Variants in STAP1 observed in about 807,000 individuals in gnomAD.
The protein encoded by STAP1 is signal-transducing adaptor protein 1.
STAP1 carries 30 observed loss-of-function variants against 37.8 expected under a neutral mutation model. The observed-to-expected ratio is 0.79, with a 90% CI of 0.59 to 1.08. The LOEUF (loss-of-function observed/expected upper bound fraction) is 1.08. STAP1 is among the 50% of genes least tolerant of loss of function. The pLI is 0.00. For synonymous variants in STAP1, 130 were observed against 116.0 expected (o/e 1.12, Z -0.78); for missense variants, 357 against 349.4 (o/e 1.02, Z -0.17).
chr4:67,566,179 C>T (rs1206248488), intron 1 of STAP1, among the ~76,000 whole-genome samples: 2 of 151,988 alleles, frequency 1.3e-5, no homozygotes, highest in African/African-American at 4.8e-5. Flanking sequence ...AACTCCTGAC[C>T]TCAGGTGATC....
intron 1 of STAP1, among the ~76,000 whole-genome samples, chr4:67,562,861 T>TA (rs1389969874): frequency 1.3e-5 from 2 of 151,902 alleles, no homozygotes; most frequent in Non-Finnish European, 2.9e-5. Flanking sequence ...ATTTGATATA[T>TA]AAAAAATGAA....
At position 67,575,244 on chromosome 4, in the gene STAP1, G is replaced by A. The variant is rs142322573; in HGVS notation, c.193-141G>A. 9.7e-4 allele frequency: 541 copies of A among 557,704 alleles called. 4 individuals carry two copies. In the African/African-American group the frequency reaches 0.01, roughly 10 times the overall value. The allele number at this position is 557,704 out of a possible 1,614,324, so 34.5% of individuals were successfully genotyped here. On this transcript the variant is annotated intron_variant, in intron 2 of 8. Coordinates refer to ENST00000265404, the MANE Select transcript of STAP1 (RefSeq NM_012108.4). ...ACCACCACATAATACATTTCCACAT[G>A]TCCTCTGGGATTAGGAAAACCAGGA...
intron 6 of STAP1, among the ~76,000 whole-genome samples, chr4:67,585,109 T>A (rs1727952186): frequency 6.6e-6 from 1 of 152,202 alleles, no homozygotes; most frequent in South Asian, 2.1e-4. Context: ...CCACAACTGA[T>A]AATATAATTT....
intron 6 of STAP1, among the ~76,000 whole-genome samples, chr4:67,589,975 G>T (rs999903501): frequency 6.6e-6 from 1 of 151,734 alleles, no homozygotes; most frequent in Non-Finnish European, 1.5e-5. Context: ...CTAATTTTTT[G>T]AATTTTTTTG....
intron 6 of STAP1, among the ~76,000 whole-genome samples, chr4:67,588,394 G>T (rs903554179): frequency 2.0e-5 from 3 of 151,786 alleles, no homozygotes; most frequent in Admixed American, 1.3e-4. Flanking sequence ...TCTTTTTTTT[G>T]TTGTTGTTGT....
rs1303638567 is a variant in STAP1, at chr4:67,589,869, A to G, written c.660-1015A>G. Among the ~76,000 whole-genome samples the G allele has an allele frequency of 2.6e-5, 4 of 151,850 alleles. No individual in the cohort carries two copies. The East Asian group carries it at 7.7e-4, about 29-fold the overall frequency. On this transcript the variant is annotated intron_variant, in intron 6 of 8. Coordinates refer to ENST00000265404, the MANE Select transcript of STAP1 (RefSeq NM_012108.4). ...GCCCAGGCTAGAATGCAGCGGCACC[A>G]TCATAGCTCACTGCAGCCTCAATCT...
In STAP1 at chr4:67,583,824, T is replaced by C. The variant is rs553652058; in HGVS notation, c.659+122T>C. ...GAAAATATGAACACAAGTGGCCGGG[T>C]GCGGTGGCTCACGCCTGTAATCTCA... On this transcript the variant is annotated intron_variant, in intron 6 of 8. Transcript: ENST00000265404. 2.4e-5 allele frequency: 29 copies of C among 1,223,456 alleles called. No individual in the cohort carries two copies. The African/African-American group carries it at 4.0e-4, about 17-fold the overall frequency. The allele number at this position is 1,223,456 out of a possible 1,614,324, so 75.8% of individuals were successfully genotyped here. A position where few individuals can be genotyped will look rare whatever the true frequency, so the allele number is the denominator to read the frequency against.
intron 1 of STAP1, among the ~76,000 whole-genome samples, chr4:67,568,278 G>T (rs1428344239): frequency 6.6e-6 from 1 of 152,064 alleles, no homozygotes; most frequent in Non-Finnish European, 1.5e-5. Context: ...CAATAAAAGA[G>T]AAAACCCTTT....
At chr4:67,577,857 C>T (rs983556292) in intron 4 of STAP1, among the ~76,000 whole-genome samples, 2 of 152,042 alleles carry the variant, frequency 1.3e-5, no homozygotes, top group African/African-American at 4.8e-5. Context: ...TCATGTTGGC[C>T]AGGCTGGTTT....
At chr4:67,585,405 G>A (rs185818992) in intron 6 of STAP1, among the ~76,000 whole-genome samples, 1 of 152,328 alleles carries the variant, frequency 6.6e-6, no homozygotes, top group African/African-American at 2.4e-5. Flanking sequence ...CATTGCTAGT[G>A]TGTGCCACAG....
intron 1 of STAP1, among the ~76,000 whole-genome samples, chr4:67,562,833 T>C (rs910274877): frequency 6.6e-6 from 1 of 151,878 alleles, no homozygotes; most frequent in Non-Finnish European, 1.5e-5. Flanking sequence ...ATTCCCGTAC[T>C]ATTAATCCAT....
chr4:67,577,213 CAG>C lies in STAP1; in HGVS notation c.319_320del (p.Glu107LysfsTer30). Reference sequence around the variant, plus strand: ...TGTCTTCAACTTTAGACAGAGAACACAGAAAGTGGGGAAGAATGGAGAGGCTT... The same window carrying C: ...TGTCTTCAACTTTAGACAGAGAACACAAAGTGGGGAAGAATGGAGAGGCTT... On this transcript the variant is annotated frameshift_variant, in exon 4 of 9. Coordinates refer to ENST00000265404, the MANE Select transcript of STAP1 (RefSeq NM_012108.4). LOFTEE classifies it high-confidence loss of function. The C allele has an allele frequency of 6.2e-7, 1 of 1,610,682 alleles. No homozygotes were observed. The highest frequency in any genetic ancestry group is 8.5e-7 in the Non-Finnish European group (1 of 1,178,434).
intron 4 of STAP1, among the ~76,000 whole-genome samples, chr4:67,577,794 A>G (rs974504702): frequency 6.6e-6 from 1 of 151,654 alleles, no homozygotes; most frequent in African/African-American, 2.4e-5. Flanking sequence ...GATTACAGGC[A>G]TGCACCATCA....
intron 8 of STAP1, among the ~76,000 whole-genome samples, chr4:67,594,567 T>C (rs1728184290): frequency 1.3e-5 from 2 of 152,270 alleles, no homozygotes; most frequent in Non-Finnish European, 2.9e-5. Flanking sequence ...ATATTGAGTC[T>C]GAAGCATTCC....
At chr4:67,590,567 A>G (rs1728097165) in intron 6 of STAP1, among the ~76,000 whole-genome samples, 1 of 152,110 alleles carries the variant, frequency 6.6e-6, no homozygotes, top group Non-Finnish European at 1.5e-5. Context: ...TTTCTAGGTT[A>G]CTGACATTAA....
intron 1 of STAP1, among the ~76,000 whole-genome samples, chr4:67,565,964 T>A (rs1006229471): frequency 2.9e-5 from 3 of 104,862 alleles, no homozygotes; most frequent in African/African-American, 6.7e-5. Flanking sequence ...TTTTTTTTTT[T>A]ACGAGACAGA....
intron 6 of STAP1, among the ~76,000 whole-genome samples, chr4:67,587,166 T>C (rs1337076684): frequency 2.6e-5 from 4 of 152,206 alleles, no homozygotes; most frequent in Admixed American, 1.3e-4. Flanking sequence ...TACGACTTAA[T>C]GTAAAGAATT....
In STAP1 at chr4:67,571,152, A is replaced by C; in HGVS notation, c.189A>C (p.Ile63=). 1 of 1,592,882 alleles carries C rather than the reference A, an allele frequency of 6.3e-7. No homozygotes were observed. The highest frequency in any genetic ancestry group is 2.2e-5 in the East Asian group (1 of 44,724). ...TLFFYTDKKS[I]IYVDKLDIVD... is the part of the protein sequence containing the mutation. Reference sequence around the variant, plus strand: ...TCTTTTATACCGACAAAAAGAGTATAATAGTAAGTAAATATGTTGAGCTGA... The same window carrying C: ...TCTTTTATACCGACAAAAAGAGTATCATAGTAAGTAAATATGTTGAGCTGA... Residue 63 remains isoleucine, a synonymous_variant, in exon 2 of 9, where the codon ATA becomes ATC. Coordinates refer to ENST00000265404, the MANE Select transcript of STAP1 (RefSeq NM_012108.4).
chr4:67,599,505 A>G (rs377521672), intron 8 of STAP1, among the ~76,000 whole-genome samples: 1 of 152,122 alleles, frequency 6.6e-6, no homozygotes, highest in African/African-American at 2.4e-5. Flanking sequence ...ATAGTTGCTC[A>G]TAGTAGTCTC....
Sources: gnomAD v4.1 joint callset for allele counts (sites outside exome capture counted in the v4.1 genomes callset) on GRCh38, gnomAD v4.1.1 for gene constraint, MANE v1.5 for transcripts, NCBI Gene and HGNC (gene_info 2026-07-23, HGNC 2026-07-21) for gene names.